Variants in DCC observed in about 807,000 individuals in gnomAD.
DCC encodes the protein netrin receptor DCC.
In DCC, 58 loss-of-function variants were observed where a neutral mutation model predicts 172.5. The ratio of observed to expected loss-of-function variants is 0.34; its 90% CI spans 0.27 to 0.42. DCC has a LOEUF of 0.42. DCC is among the 10% of genes least tolerant of loss of function. The pLI is 1.00. For synonymous variants in DCC, 709 were observed against 644.5 expected, an observed-to-expected ratio of 1.10 and a Z score of -1.52; for missense variants, 1,740 against 1,791.0, an observed-to-expected ratio of 0.97 and a Z score of 0.51.
intron 12 of DCC, among the ~76,000 whole-genome samples, chr18:53,302,313 A>G (rs987143276): frequency 2.0e-5 from 3 of 152,132 alleles, no homozygotes; most frequent in African/African-American, 7.2e-5. Context: ...CATGACATCA[A>G]TATGCAGATT....
At chr18:53,100,977 G>A (rs1226365318) in intron 7 of DCC, among the ~76,000 whole-genome samples, 1 of 151,936 alleles carries the variant, frequency 6.6e-6, no homozygotes, top group Non-Finnish European at 1.5e-5. Flanking sequence ...CATGGGGGAG[G>A]AAGACATGCA....
At chr18:53,047,573 T>C (rs1333301813) in intron 5 of DCC, among the ~76,000 whole-genome samples, 7 of 149,088 alleles carry the variant, frequency 4.7e-5, no homozygotes, top group African/African-American at 1.7e-4. Context: ...TTGCCTTCAA[T>C]TGTAAAATCA....
chr18:52,959,772 G>A (rs2040811703), intron 5 of DCC, among the ~76,000 whole-genome samples: 1 of 152,086 alleles, frequency 6.6e-6, no homozygotes, highest in Non-Finnish European at 1.5e-5. Flanking sequence ...TATATCTGCT[G>A]TTTTTGCTAT....
intron 2 of DCC, among the ~76,000 whole-genome samples, chr18:52,775,007 T>G (rs907745836): frequency 1.3e-5 from 2 of 151,746 alleles, no homozygotes; most frequent in Non-Finnish European, 2.9e-5. Flanking sequence ...CCAGTTAGAG[T>G]GGAGTTTTTT....
At chr18:53,136,728 T>A (rs8094177) in intron 7 of DCC, among the ~76,000 whole-genome samples, 1 of 152,140 alleles carries the variant, frequency 6.6e-6, no homozygotes, top group South Asian at 2.1e-4. Context: ...TCAGGATTCA[T>A]CAAATTGTGT....
chr18:52,642,221 A>G (rs1325930301), intron 1 of DCC, among the ~76,000 whole-genome samples: 1 of 151,942 alleles, frequency 6.6e-6, no homozygotes, highest in Non-Finnish European at 1.5e-5. Context: ...TAACTCAGAA[A>G]TGGAAAACCA....
chr18:52,609,885 A>G (rs1388546737), intron 1 of DCC, among the ~76,000 whole-genome samples: 2 of 152,148 alleles, frequency 1.3e-5, no homozygotes, highest in East Asian at 1.9e-4. Context: ...TGTTGATGAT[A>G]TCACTGTATA....
intron 27 of DCC, among the ~76,000 whole-genome samples, chr18:53,510,759 A>G (rs1308145469): frequency 6.6e-6 from 1 of 152,214 alleles, no homozygotes; most frequent in Non-Finnish European, 1.5e-5. Context: ...GGATCAACAT[A>G]GAGAAGACAG....
chr18:52,345,493 C>T (rs557438803), intron 1 of DCC, among the ~76,000 whole-genome samples: 1 of 152,320 alleles, frequency 6.6e-6, no homozygotes, highest in East Asian at 1.9e-4. Flanking sequence ...CTCACTAACT[C>T]ATGATTAATA....
At chr18:53,236,475 T>TTAACA (rs2056204541) in intron 12 of DCC, among the ~76,000 whole-genome samples, 1 of 152,126 alleles carries the variant, frequency 6.6e-6, no homozygotes, top group Non-Finnish European at 1.5e-5. Flanking sequence ...TTTGGTATTG[T>TTAACA]TAACATTTTC....
intron 1 of DCC, among the ~76,000 whole-genome samples, chr18:52,534,404 C>A (rs2032233475): frequency 6.6e-6 from 1 of 152,238 alleles, no homozygotes; most frequent in African/African-American, 2.4e-5. Context: ...TCCCTACAGA[C>A]CCCAACATAA....
intron 3 of DCC, among the ~76,000 whole-genome samples, chr18:52,914,198 A>G (rs2040008398): frequency 8.9e-6 from 1 of 112,884 alleles, no homozygotes; most frequent in Admixed American, 8.8e-5. Context: ...GTCAGCTGCA[A>G]AATTAAAAAA....
intron 7 of DCC, among the ~76,000 whole-genome samples, chr18:53,086,010 C>CTTATTATTATTATTATTATTA (rs781244055): frequency 1.0e-4 from 2 of 19,072 alleles, no homozygotes; most frequent in African/African-American, 1.0e-3. Context: ...TCTTCTCCTT[C>CTTATTATTATTATTATTATTA]TCCTTCTCCC....
At chr18:52,924,399 A>C (rs1007387177) in intron 4 of DCC, among the ~76,000 whole-genome samples, 1 of 152,136 alleles carries the variant, frequency 6.6e-6, no homozygotes, top group Non-Finnish European at 1.5e-5. Context: ...GTAGCATGTC[A>C]TTATAGAGTT....
intron 27 of DCC, chr18:53,505,419 T>A (rs2046159657): frequency 6.6e-6 from 1 of 151,926 alleles, no homozygotes; most frequent in Non-Finnish European, 1.5e-5. Flanking sequence ...TTGGAGAGTG[T>A]GAGCATAGGT....
At chr18:53,448,045 GA>G (rs1292950586) in intron 22 of DCC, among the ~76,000 whole-genome samples, 8 of 122,386 alleles carry the variant, frequency 6.5e-5, no homozygotes, top group African/African-American at 9.7e-5. Context: ...AAATTTTGAT[GA>G]GTTTTTTTTT....
chr18:53,475,002 C>A (rs2045744598), intron 25 of DCC, among the ~76,000 whole-genome samples: 1 of 152,126 alleles, frequency 6.6e-6, no homozygotes, highest in African/African-American at 2.4e-5. Flanking sequence ...GGAACTGGAG[C>A]AAAGGTGACT....
In DCC at chr18:52,526,202, C is replaced by A. The variant is rs570457399; in HGVS notation, c.91+185324C>A. Reference sequence around the variant, plus strand: ...CCTTATCTGACAGGGAACAAAATTTCTGGCAGGCCCAGTGGAGAGAAAGAA... The same window carrying A: ...CCTTATCTGACAGGGAACAAAATTTATGGCAGGCCCAGTGGAGAGAAAGAA... On this transcript the variant is annotated intron_variant, in intron 1 of 28. Transcript: ENST00000442544. Among the ~76,000 whole-genome samples the A allele has an allele frequency of 5.3e-5, 8 of 152,256 alleles. No homozygotes were observed. The South Asian group carries it at 1.2e-3, about 24-fold the overall frequency.
chr18:53,428,054 TAATG>T (rs1911139886), intron 21 of DCC, among the ~76,000 whole-genome samples: 1 of 38,538 alleles, frequency 2.6e-5, no homozygotes, highest in African/African-American at 6.6e-5. Context: ...TATATTATAA[TAATG>T]TGTCATATAT....
Sources: allele counts gnomAD v4.1 joint callset (sites outside exome capture counted in the v4.1 genomes callset), GRCh38; gene constraint gnomAD v4.1.1; transcripts MANE v1.5; gene names NCBI Gene and HGNC (gene_info 2026-07-23, HGNC 2026-07-21).